Variants in VTI1A observed in about 807,000 individuals in gnomAD.
The protein encoded by VTI1A is vesicle transport through interaction with t-SNAREs 1A, also known as vesicle transport through interaction with t-SNAREs homolog 1A.
Under a neutral mutation model 34.9 loss-of-function variants are expected in VTI1A, and 22 were observed. The observed-to-expected ratio is 0.63, with a 90% CI of 0.45 to 0.90. The LOEUF (loss-of-function observed/expected upper bound fraction) is 0.90. Among genes scored for constraint, VTI1A ranks in the 40% least tolerant of loss-of-function variants. VTI1A has a pLI of 0.00. For missense variants in VTI1A, 268 were observed against 275.6 expected, an observed-to-expected ratio of 0.97 and a Z score of 0.20; for synonymous variants, 87 against 97.3, an observed-to-expected ratio of 0.89 and a Z score of 0.62.
rs188330078 is a variant in VTI1A at position 112,685,564 on chromosome 10, A to G, written c.560+16566A>G. ...AAAGCTTTACCTTCTTACTGTTTTT[A>G]TTAAGGACACCAAAGTATTTTCAAA... On this transcript the variant is annotated intron_variant, in intron 7 of 7. Transcript: ENST00000393077. 3.6e-3 allele frequency among the ~76,000 whole-genome samples: 551 copies of G among 152,076 alleles called. 2 individuals are homozygous for G. The highest frequency in any genetic ancestry group is 0.012 in the African/African-American group (517 of 41,478).
At chr10:112,474,715 CCAAAGTG>C (rs375597552) in intron 3 of VTI1A, among the ~76,000 whole-genome samples, 40 of 152,218 alleles carry the variant, frequency 2.6e-4, no homozygotes, top group African/African-American at 9.1e-4. Flanking sequence ...TCTCAGCCTC[CCAAAGTG>C]CTGGGATTAC....
intron 3 of VTI1A, among the ~76,000 whole-genome samples, chr10:112,498,664 G>C (rs1431453300): frequency 6.6e-6 from 1 of 152,122 alleles, no homozygotes; most frequent in Non-Finnish European, 1.5e-5. Flanking sequence ...TGTAACTATT[G>C]ATTTGCTATT....
intron 7 of VTI1A, among the ~76,000 whole-genome samples, chr10:112,738,761 T>G (rs1056874612): frequency 6.6e-6 from 1 of 152,176 alleles, no homozygotes; most frequent in Non-Finnish European, 1.5e-5. Flanking sequence ...CTGTCCTCTA[T>G]TAAGAAGCTT....
At chr10:112,573,163 A>G (rs1407180693) in intron 5 of VTI1A, among the ~76,000 whole-genome samples, 1 of 152,202 alleles carries the variant, frequency 6.6e-6, no homozygotes, top group Non-Finnish European at 1.5e-5. Flanking sequence ...CTGGCCTAGC[A>G]GATGTGATTG....
intron 7 of VTI1A, among the ~76,000 whole-genome samples, chr10:112,742,236 G>C (rs981968755): frequency 1.3e-5 from 2 of 151,036 alleles, no homozygotes; most frequent in African/African-American, 4.9e-5. Flanking sequence ...CTCTAAATAA[G>C]TTGACAAGTG....
chr10:112,848,276 C>A, the VTI1A span, among the ~76,000 whole-genome samples: 1 of 152,198 alleles, frequency 6.6e-6, no homozygotes, highest in Admixed American at 6.5e-5. Context: ...AATTAATTAA[C>A]TAGCCATTTC....
chr10:112,701,106 T>C (rs1472731933), intron 7 of VTI1A, among the ~76,000 whole-genome samples: 1 of 152,222 alleles, frequency 6.6e-6, no homozygotes, highest in Non-Finnish European at 1.5e-5. Flanking sequence ...GGGATACCCT[T>C]GAGTTTGGTG....
At chr10:112,532,508 A>G (rs1300002983) in intron 4 of VTI1A, among the ~76,000 whole-genome samples, 1 of 152,158 alleles carries the variant, frequency 6.6e-6, no homozygotes, top group African/African-American at 2.4e-5. Flanking sequence ...TGATATTTGT[A>G]GTTTAGAATA....
At chr10:112,827,641 C>T in the VTI1A span, 1 of 151,970 alleles carries the variant, frequency 6.6e-6, no homozygotes, top group Admixed American at 6.6e-5. Flanking sequence ...CTCTACATAT[C>T]GTTAGTACAA....
At chr10:112,539,173 A>G (rs1850767407) in intron 5 of VTI1A, among the ~76,000 whole-genome samples, 1 of 152,108 alleles carries the variant, frequency 6.6e-6, no homozygotes, top group Admixed American at 6.6e-5. Context: ...TGTATTTTGG[A>G]TAGCTCTTGC....
rs200631292 is a variant in VTI1A at position 112,504,941 on chromosome 10, T to TG, written c.265-22139dup. ...TCTTATGCTTTGCTAGTTTTTTTGG[T>TG]GGGGGGGTGTGTGGGGATTCGTTGT... On this transcript the variant is annotated intron_variant, in intron 3 of 7. Transcript: ENST00000393077. 1.9e-4 allele frequency among the ~76,000 whole-genome samples: 29 copies of TG among 151,762 alleles called. No homozygotes were observed. In the East Asian group the frequency reaches 4.3e-3, roughly 22 times the overall value.
rs1349547914 is a variant in VTI1A, at chr10:112,817,607, C to G, written c.*2224C>G. The G allele has an allele frequency of 4.4e-6, 1 of 228,876 alleles. No homozygotes were observed. The highest frequency in any genetic ancestry group is 8.7e-6 in the Non-Finnish European group (1 of 115,366). The allele number at this position is 228,876 out of a possible 1,614,324, so 14.2% of individuals were successfully genotyped here. On this transcript the variant is annotated 3_prime_UTR_variant, in exon 8 of 8. Coordinates refer to ENST00000393077, the MANE Select transcript of VTI1A (RefSeq NM_145206.4). The stretch of plus-strand genomic sequence containing the variant: ...GGCTAGTGAGTGCTTTGTGAGGAAG[C>G]TGGTCAGAAGGTTCCCTCAACTCCT...
intron 5 of VTI1A, among the ~76,000 whole-genome samples, chr10:112,666,947 C>T (rs569634007): frequency 6.6e-6 from 1 of 152,048 alleles, no homozygotes; most frequent in Admixed American, 6.6e-5. Context: ...TATGGATAAA[C>T]TGAGGCACAG....
chr10:112,674,369 T>G (rs1166037629), intron 7 of VTI1A, among the ~76,000 whole-genome samples: 1 of 152,216 alleles, frequency 6.6e-6, no homozygotes, highest in African/African-American at 2.4e-5. Flanking sequence ...ACAAAGAGAA[T>G]TTTTAAAAAT....
downstream of VTI1A, among the ~76,000 whole-genome samples, chr10:112,820,991 C>T (rs1437306009): frequency 1.3e-5 from 2 of 152,102 alleles, no homozygotes; most frequent in Non-Finnish European, 2.9e-5. Flanking sequence ...CTCTCCAGGG[C>T]CCCCTGCCCC....
At chr10:112,723,097 G>A (rs1344954469) in intron 7 of VTI1A, among the ~76,000 whole-genome samples, 6 of 152,062 alleles carry the variant, frequency 3.9e-5, no homozygotes, top group Non-Finnish European at 7.4e-5. Flanking sequence ...GATAATAATA[G>A]TAGTTACAAA....
intron 3 of VTI1A, among the ~76,000 whole-genome samples, chr10:112,512,722 A>G (rs1260488695): frequency 6.6e-6 from 1 of 152,130 alleles, no homozygotes; most frequent in Non-Finnish European, 1.5e-5. Flanking sequence ...CGTTTTGTAT[A>G]TGGTGAGAGA....
intron 5 of VTI1A, among the ~76,000 whole-genome samples, chr10:112,627,269 A>C (rs956480765): frequency 1.5e-4 from 23 of 152,290 alleles, no homozygotes; most frequent in Admixed American, 1.4e-3. Context: ...TAAAGTAAGG[A>C]GATTGAAATT....
intron 3 of VTI1A, among the ~76,000 whole-genome samples, chr10:112,472,691 C>T (rs1285778091): frequency 6.6e-6 from 1 of 151,916 alleles, no homozygotes; most frequent in Non-Finnish European, 1.5e-5. Context: ...ACTTCTATTT[C>T]TGTGGAAGCT....
Sources: gnomAD v4.1 joint callset for allele counts (sites outside exome capture counted in the v4.1 genomes callset) on GRCh38, gnomAD v4.1.1 for gene constraint, MANE v1.5 for transcripts, NCBI Gene and HGNC (gene_info 2026-07-23, HGNC 2026-07-21) for gene names.